Variants in RUVBL1 observed in about 807,000 individuals in gnomAD.
The protein encoded by RUVBL1 is ruvB-like 1.
RUVBL1 carries 4 observed loss-of-function variants against 52.4 expected under a neutral mutation model. The ratio of observed to expected loss-of-function variants is 0.08; its 90% confidence interval spans 0.04 to 0.17. The LOEUF (loss-of-function observed/expected upper bound fraction) is 0.17, where lower values mean the gene tolerates loss of function less well. Ranked by LOEUF, RUVBL1 falls within the 10% of genes least tolerant of loss-of-function variation. The pLI is 1.00. For synonymous variants in RUVBL1, 217 were observed against 214.4 expected (o/e 1.01, Z -0.10); for missense variants, 298 against 572.8 (o/e 0.52, Z 4.90).
At chr3:128,079,808 TG>T (rs1170986594), downstream of RUVBL1, among the ~76,000 whole-genome samples, 1 of 152,198 alleles carries the variant, frequency 6.6e-6, no homozygotes, top group Non-Finnish European at 1.5e-5. Context: ...CTGTCCCTAA[TG>T]GAAGGACAAT....
chr3:128,123,812 T>G lies in RUVBL1; in HGVS notation c.-88A>C. 6.9e-7 allele frequency: 1 copy of G among 1,455,634 alleles called. No homozygotes were observed. The highest frequency in any genetic ancestry group is 1.4e-5 in the South Asian group (1 of 71,946). 90.2% of individuals were successfully genotyped at this position (1,455,634 alleles called of 1,614,324 possible). Reference sequence around the variant, plus strand: ...GCCTGAGTTACCATGCGGCCGTTACTAGGGCAATTTGCAAAGGCCCGCCTA... The same window carrying G: ...GCCTGAGTTACCATGCGGCCGTTACGAGGGCAATTTGCAAAGGCCCGCCTA... On this transcript the variant is annotated 5_prime_UTR_variant, in exon 1 of 11. Transcript: ENST00000322623.
intron 1 of RUVBL1, among the ~76,000 whole-genome samples, chr3:128,136,276 A>T (rs538097113): frequency 3.3e-5 from 5 of 152,132 alleles, no homozygotes; most frequent in Non-Finnish European, 7.4e-5. Context: ...ATCAGTAATA[A>T]TAGTGAATGT....
At chr3:128,113,984 G>A (rs1943458008) in intron 2 of RUVBL1, among the ~76,000 whole-genome samples, 1 of 152,224 alleles carries the variant, frequency 6.6e-6, no homozygotes, top group African/African-American at 2.4e-5. Context: ...CTATGAGTTG[G>A]TCTTAACAAG....
At chr3:128,094,289 T>C (rs746773323) in intron 8 of RUVBL1, among the ~76,000 whole-genome samples, 2 of 151,844 alleles carry the variant, frequency 1.3e-5, no homozygotes, top group Non-Finnish European at 2.9e-5. Context: ...CATCAGAGAG[T>C]GGGCTCACTT....
chr3:128,145,826 A>C (rs1332002044), intron 1 of RUVBL1, among the ~76,000 whole-genome samples: 2 of 152,190 alleles, frequency 1.3e-5, no homozygotes, highest in Non-Finnish European at 1.5e-5. Flanking sequence ...ACATGATTTA[A>C]AATTCAAAAA....
intron 7 of RUVBL1, among the ~76,000 whole-genome samples, chr3:128,098,050 T>A (rs1207584103): frequency 6.6e-6 from 1 of 152,148 alleles, no homozygotes; most frequent in Non-Finnish European, 1.5e-5. Flanking sequence ...CTTTGAGGAA[T>A]GAAAGGCTCT....
Position 128,082,581 on chromosome 3 carries a change from A to C in RUVBL1, c.1120-7T>G. On this transcript the variant is annotated splice_polypyrimidine_tract_variant and splice_region_variant and intron_variant, in intron 9 of 10. Transcript: ENST00000322623. The surrounding 1 kb of genome is among the most constrained non-coding windows in gnomAD (Gnocchi z 4.7). ...GGGCACGGATTTTAATGATCTTTTA[A>C]AGGATAAAAAACATGATCAACGGTG... 3 of 1,607,414 alleles carry C rather than the reference A, an allele frequency of 1.9e-6. No individual in the cohort carries two copies. The highest frequency in any genetic ancestry group is 2.6e-6 in the Non-Finnish European group (3 of 1,176,202).
upstream of RUVBL1, among the ~76,000 whole-genome samples, chr3:128,126,201 TTGTGTGTGTGTGTGTGTG>T (rs10576695): frequency 6.8e-6 from 1 of 147,518 alleles, no homozygotes; most frequent in Non-Finnish European, 1.5e-5. Context: ...AGTTGTTCCT[TTGTGTGTGTGTGTGTGTG>T]TGTGTGTGTG....
At chr3:128,132,449 C>T (rs1269506122) in intron 1 of RUVBL1, among the ~76,000 whole-genome samples, 2 of 152,176 alleles carry the variant, frequency 1.3e-5, no homozygotes, top group Non-Finnish European at 2.9e-5. Context: ...CCCCCAAAGC[C>T]AGGCAGCGCA....
exon 1 of RUVBL1, chr3:128,153,633 C>A: frequency 6.3e-7 from 1 of 1,598,046 alleles, no homozygotes; most frequent in Non-Finnish European, 8.5e-7. Context: ...AGCCGCAGAG[C>A]CGCGAGCGCG....
intron 9 of RUVBL1, chr3:128,071,322 GATGCCCTCCTACCCAC>G (rs1455148085): frequency 1.3e-5 from 2 of 152,510 alleles, no homozygotes; most frequent in African/African-American, 4.8e-5. Context: ...CTTGAGACCT[GATGCCCTCCTACCCAC>G]ATGGTTCTCC....
At chr3:128,105,984 C>G (rs540472351) in intron 3 of RUVBL1, among the ~76,000 whole-genome samples, 1 of 151,196 alleles carries the variant, frequency 6.6e-6, no homozygotes, top group Admixed American at 6.6e-5. Context: ...ATTCTCCTGC[C>G]TCAGCCTCCC....
At position 128,146,643 on chromosome 3, in the gene RUVBL1, CGT is replaced by C. The variant is rs567474562; in HGVS notation, c.-40+6558_-40+6559del. Among the ~76,000 whole-genome samples the C allele has an allele frequency of 5.9e-3, 857 of 144,684 alleles. 6 individuals are homozygous for C. Among genetic ancestry groups the C allele is most frequent in the African/African-American group, 0.019 (734 of 38,408 alleles). 94.9% of individuals were successfully genotyped at this position (144,684 alleles called of 152,430 possible). A position where few individuals can be genotyped will look rare whatever the true frequency, so the allele number is the denominator to read the frequency against. On this transcript the variant is annotated intron_variant, in intron 1 of 9. Coordinates refer to the RUVBL1 transcript ENST00000464873. The stretch of plus-strand genomic sequence containing the variant: ...ACGTCTGTGTGTGCGTGCATGTATG[CGT>C]GTGTGTCTCATGCGTGTGCACATGT...
chr3:128,079,574 G>A (rs1457498291), downstream of RUVBL1, among the ~76,000 whole-genome samples: 1 of 152,204 alleles, frequency 6.6e-6, no homozygotes, highest in African/African-American at 2.4e-5. Flanking sequence ...CTAAAGACAA[G>A]CGCAGCCTCA....
At position 128,074,842 on chromosome 3, in the gene RUVBL1, CAAAAAAAAAAAA is replaced by C. The variant is rs386397876; in HGVS notation, c.940-9634_940-9623del. Among the ~76,000 whole-genome samples the C allele has an allele frequency of 1.6e-4, 12 of 72,798 alleles. No individual in the cohort carries two copies. In the Admixed American group the frequency reaches 1.9e-3, roughly 12 times the overall value. The allele number at this position is 72,798 out of a possible 152,430, so 47.8% of individuals were successfully genotyped here. Reference sequence around the variant, plus strand: ...GGGCAACAGGAGCGAAACTCCGTCTCAAAAAAAAAAAAAAAAAAAAAAACTTAAAAAACCATA... The same window carrying C: ...GGGCAACAGGAGCGAAACTCCGTCTCAAAAAAAAAAACTTAAAAAACCATA... On this transcript the variant is annotated intron_variant, in intron 9 of 9. Coordinates refer to the RUVBL1 transcript ENST00000464873.
chr3:128,153,463 A>G (rs1210834726), exon 1 of RUVBL1: 5 of 1,448,838 alleles, frequency 3.5e-6, no homozygotes, highest in Non-Finnish European at 4.5e-6. Flanking sequence ...CTACCGAGGG[A>G]GGTGAGGGGC....
intron 9 of RUVBL1, chr3:128,074,979 C>G (rs1230044654): frequency 6.6e-6 from 1 of 151,814 alleles, no homozygotes; most frequent in African/African-American, 2.4e-5. Flanking sequence ...ACTGACAAGA[C>G]TGACTGGCAG....
chr3:128,074,408 C>T (rs1418398985), intron 9 of RUVBL1, among the ~76,000 whole-genome samples: 3 of 152,082 alleles, frequency 2.0e-5, no homozygotes, highest in African/African-American at 7.2e-5. Context: ...CAGTGGTTGC[C>T]TCTAGTGTGT....
At chr3:128,064,819 A>G (rs1176858100) in exon 10 of RUVBL1, 5 of 1,460,810 alleles carry the variant, frequency 3.4e-6, no homozygotes, top group Non-Finnish European at 4.6e-6. Flanking sequence ...TAAGAAGGCT[A>G]GAAGCAAATT....
Sources: gnomAD v4.1 joint callset for allele counts (sites outside exome capture counted in the v4.1 genomes callset) on GRCh38, gnomAD v4.1.1 for gene constraint, Gnocchi (gnomAD v3.1) non-coding constraint, MANE v1.5 for transcripts, NCBI Gene and HGNC (gene_info 2026-07-23, HGNC 2026-07-21) for gene names.